PCDHGA11: variants seen among roughly 807,000 people sequenced by gnomAD.
PCDHGA11 encodes protocadherin gamma subfamily A, 11.
A neutral mutation model predicts 60.4 loss-of-function variants in PCDHGA11; 39 were observed. That is an observed-to-expected ratio of 0.65 (90% CI 0.50 to 0.84). PCDHGA11 has a LOEUF of 0.84. Ranked by LOEUF, PCDHGA11 falls within the 40% of genes least tolerant of loss-of-function variation. PCDHGA11 has a pLI of 0.00. For synonymous variants in PCDHGA11, 533 were observed against 510.3 expected (o/e 1.04, Z -0.60); for missense variants, 1,165 against 1,197.7 (o/e 0.97, Z 0.40).
intron 3 of PCDHGA11, among the ~76,000 whole-genome samples, chr5:141,507,772 A>C (rs2099863177): frequency 6.6e-6 from 1 of 152,332 alleles, no homozygotes; most frequent in South Asian, 2.1e-4. Flanking sequence ...TGGCCCACAC[A>C]GGGCCTGACC....
chr5:141,483,435 A>G (rs2099581280), intron 1 of PCDHGA11, among the ~76,000 whole-genome samples: 1 of 152,180 alleles, frequency 6.6e-6, no homozygotes, highest in Admixed American at 6.5e-5. Context: ...GGAGCTGACT[A>G]CAATAAAATC....
chr5:141,461,138 C>T (rs1416058747), intron 1 of PCDHGA11, among the ~76,000 whole-genome samples: 1 of 151,942 alleles, frequency 6.6e-6, no homozygotes, highest in East Asian at 1.9e-4. Flanking sequence ...ACTTATTTTC[C>T]TTTGGGTAGA....
intron 3 of PCDHGA11, among the ~76,000 whole-genome samples, chr5:141,509,040 C>T (rs1217864661): frequency 6.6e-6 from 1 of 152,132 alleles, no homozygotes; most frequent in African/African-American, 2.4e-5. Context: ...CAACCCCTCT[C>T]CCCCGCCCCC....
At chr5:141,441,855 G>A in intron 1 of PCDHGA11, 3 of 351,872 alleles carry the variant, frequency 8.5e-6, no homozygotes, top group Admixed American at 4.0e-5. Flanking sequence ...ATATGGTGCT[G>A]CACGCCGCGG....
At chr5:141,452,370 G>A (rs2098739834) in intron 1 of PCDHGA11, among the ~76,000 whole-genome samples, 1 of 152,136 alleles carries the variant, frequency 6.6e-6, no homozygotes, top group Non-Finnish European at 1.5e-5. Flanking sequence ...CTTCATTTTA[G>A]TAGGGAATAG....
chr5:141,474,417 C>A (rs1321402346), intron 1 of PCDHGA11, among the ~76,000 whole-genome samples: 1 of 152,222 alleles, frequency 6.6e-6, no homozygotes, highest in African/African-American at 2.4e-5. Context: ...GATGCCTAGA[C>A]CATTGGTCCT....
intron 1 of PCDHGA11, among the ~76,000 whole-genome samples, chr5:141,454,796 ATTTTTTTTTTTTT>A (rs61612330): frequency 7.8e-5 from 6 of 77,408 alleles, no homozygotes; most frequent in African/African-American, 1.2e-4. Flanking sequence ...CATGGTTCTA[ATTTTTTTTTTTTT>A]TTTTTTTTTT....
rs753281558 is a variant in PCDHGA11 at position 141,422,116 on chromosome 5, T to G, written c.889T>G (p.Ser297Ala). The G allele has an allele frequency of 1.2e-6, 2 of 1,604,612 alleles. No homozygotes were observed. The highest frequency in any genetic ancestry group is 1.3e-5 in the African/African-American group (1 of 74,236). The change falls in exon 1 of 4, where the codon TCA becomes GCA. Residue 297 changes from serine to alanine, a missense_variant. Ser to Ala is a moderately conservative substitution (Grantham distance 99). Coordinates refer to ENST00000398587, the MANE Select transcript of PCDHGA11 (RefSeq NM_018914.3). Reference sequence around the variant, plus strand: ...GGCTTCTGAAATATTCCAATTGGATTCACAAACTGGAGAAGTTCAAGTACG... The same window carrying G: ...GGCTTCTGAAATATTCCAATTGGATGCACAAACTGGAGAAGTTCAAGTACG... Reference protein sequence around the residue: ...SKASEIFQLDSQTGEVQVRGS... With the variant: ...SKASEIFQLDAQTGEVQVRGS...
chr5:141,507,846 T>G (rs892503210), intron 3 of PCDHGA11, among the ~76,000 whole-genome samples: 1 of 152,134 alleles, frequency 6.6e-6, no homozygotes, highest in African/African-American at 2.4e-5. Context: ...CAGGCCCTGC[T>G]CTCACTTTCA....
In PCDHGA11 at chr5:141,487,801, A is replaced by G. The variant is rs895741843; in HGVS notation, c.2434-7006A>G. The G allele has an allele frequency of 1.0e-5, 15 of 1,479,820 alleles. No individual in the cohort carries two copies. The highest frequency in any genetic ancestry group is 2.7e-6 in the Non-Finnish European group (3 of 1,095,672). The allele number at this position is 1,479,820 out of a possible 1,614,324, so 91.7% of individuals were successfully genotyped here. On this transcript the variant is annotated intron_variant, in intron 1 of 3. Coordinates refer to ENST00000398587, the MANE Select transcript of PCDHGA11 (RefSeq NM_018914.3). The surrounding 1 kb of genome is among the most constrained non-coding windows in gnomAD (Gnocchi z 5.0). ...GTTTCGTGAATTAACCAGAGTTGTC[A>G]CAGTTTAGCATTGGGGGCGGGTCAT... is the stretch of plus-strand genomic sequence containing the variant.
In PCDHGA11 at chr5:141,423,126, G is replaced by A. The variant is rs1397550571; in HGVS notation, c.1899G>A (p.Leu633=). ...GCGAGGTGCGTACAGCGCGGGCACT[G>A]CTGGACAGAGACGCGCTCAAGCAGA... ...HTGEVRTARA[L]LDRDALKQSL... is the part of the protein sequence containing the mutation. The change falls in exon 1 of 4, where the codon CTG becomes CTA. Residue 633 remains leucine, a synonymous_variant. Transcript: ENST00000398587. 1 of 1,613,622 alleles carries A rather than the reference G, an allele frequency of 6.2e-7. No homozygotes were observed. Among genetic ancestry groups the A allele is most frequent in the Non-Finnish European group, 8.5e-7 (1 of 1,179,964 alleles).
At chr5:141,450,006 C>CTT (rs1554136305) in intron 1 of PCDHGA11, among the ~76,000 whole-genome samples, 6 of 132,984 alleles carry the variant, frequency 4.5e-5, no homozygotes, top group East Asian at 2.2e-4. Flanking sequence ...TGCCATGTCT[C>CTT]TTTTTTTTTT....
At chr5:141,445,020 C>T (rs2098454249) in intron 1 of PCDHGA11, among the ~76,000 whole-genome samples, 1 of 152,130 alleles carries the variant, frequency 6.6e-6, no homozygotes, top group Non-Finnish European at 1.5e-5. Flanking sequence ...TTTAATTTCT[C>T]TCAGCTATGT....
intron 1 of PCDHGA11, chr5:141,427,525 CG>C (rs996050026): frequency 4.9e-6 from 3 of 612,098 alleles, no homozygotes; most frequent in Non-Finnish European, 9.2e-6. Flanking sequence ...GAGCGGATCC[CG>C]GAGTACAACG....
chr5:141,473,377 C>T (rs2099320819), intron 1 of PCDHGA11, among the ~76,000 whole-genome samples: 1 of 152,202 alleles, frequency 6.6e-6, no homozygotes, highest in Admixed American at 6.5e-5. Flanking sequence ...TAGCATGGTC[C>T]CTGCCCTCCT....
At chr5:141,510,589 A>G (rs1043188276) in intron 3 of PCDHGA11, among the ~76,000 whole-genome samples, 2 of 152,194 alleles carry the variant, frequency 1.3e-5, no homozygotes, top group African/African-American at 2.4e-5. Context: ...CGTACCTGAC[A>G]TACATTTTCT....
chr5:141,492,146 C>T (rs979485619), intron 1 of PCDHGA11, among the ~76,000 whole-genome samples: 3 of 152,242 alleles, frequency 2.0e-5, no homozygotes, highest in African/African-American at 4.8e-5. Flanking sequence ...TGTGACTTCA[C>T]TGTTACCCTC....
At chr5:141,466,027 CAGG>C (rs1174989171) in intron 1 of PCDHGA11, among the ~76,000 whole-genome samples, 1 of 151,890 alleles carries the variant, frequency 6.6e-6, no homozygotes, top group African/African-American at 2.4e-5. Context: ...GAGGGTGAGG[CAGG>C]AGAACGGCAT....
chr5:141,454,546 A>G (rs1342532359), intron 1 of PCDHGA11, among the ~76,000 whole-genome samples: 1 of 152,098 alleles, frequency 6.6e-6, no homozygotes, highest in African/African-American at 2.4e-5. Flanking sequence ...AGCTGAGATT[A>G]CAGGCATGTG....
Sources: gnomAD v4.1 joint callset for allele counts (sites outside exome capture counted in the v4.1 genomes callset) on GRCh38, gnomAD v4.1.1 for gene constraint, Gnocchi (gnomAD v3.1) non-coding constraint, MANE v1.5 for transcripts, NCBI Gene and HGNC (gene_info 2026-07-23, HGNC 2026-07-21) for gene names.